VWA8: variants seen among roughly 807,000 people sequenced by gnomAD.
The protein encoded by VWA8 is von Willebrand factor A domain-containing protein 8.
A neutral mutation model predicts 241.5 loss-of-function variants in VWA8; 221 were observed. The ratio of observed to expected loss-of-function variants is 0.91; its 90% CI spans 0.82 to 1.02. The LOEUF (loss-of-function observed/expected upper bound fraction) is 1.02. Ranked by LOEUF, VWA8 falls within the 50% of genes least tolerant of loss-of-function variation. The pLI, the probability that VWA8 is intolerant of heterozygous loss-of-function variation, is 0.00. For synonymous variants in VWA8, 852 were observed against 827.1 expected (o/e 1.03, Z -0.52); for missense variants, 2,322 against 2,328.7 (o/e 1.00, Z 0.06).
chr13:41,798,668 A>G (rs1869812855), intron 17 of VWA8, among the ~76,000 whole-genome samples: 1 of 152,096 alleles, frequency 6.6e-6, no homozygotes, highest in Non-Finnish European at 1.5e-5. Context: ...CTGTAGACTC[A>G]TGTCTTTCTG....
chr13:41,582,583 A>G (rs1338262263), intron 42 of VWA8, among the ~76,000 whole-genome samples: 1 of 151,838 alleles, frequency 6.6e-6, no homozygotes, highest in Non-Finnish European at 1.5e-5. Context: ...TGGAATATAT[A>G]TTTTTCTCTA....
chr13:41,874,142 T>C (rs1413118852), intron 9 of VWA8, among the ~76,000 whole-genome samples: 2 of 151,728 alleles, frequency 1.3e-5, no homozygotes, highest in Non-Finnish European at 2.9e-5. Flanking sequence ...CAACGCTTCA[T>C]GCTAAAAACT....
At chr13:41,642,836 G>A (rs1036750648) in intron 37 of VWA8, among the ~76,000 whole-genome samples, 1 of 151,604 alleles carries the variant, frequency 6.6e-6, no homozygotes, top group African/African-American at 2.4e-5. Context: ...GGCTGAGATA[G>A]GAGAAATGCT....
chr13:41,767,999 G>A (rs2045791047), intron 20 of VWA8, among the ~76,000 whole-genome samples: 1 of 152,260 alleles, frequency 6.6e-6, no homozygotes, highest in Non-Finnish European at 1.5e-5. Flanking sequence ...GAATGTGGCA[G>A]AATGCCAAAG....
intron 12 of VWA8, among the ~76,000 whole-genome samples, chr13:41,852,127 G>T (rs1872552542): frequency 6.6e-6 from 1 of 152,136 alleles, no homozygotes; most frequent in Non-Finnish European, 1.5e-5. Flanking sequence ...CACTCTAACA[G>T]GTGTAAAGCA....
chr13:41,830,706 G>C, intron 13 of VWA8, 64 bp from the exon 14 acceptor site: 1 of 1,382,458 alleles, frequency 7.2e-7, no homozygotes. Context: ...AGTTTTCAGA[G>C]GCAGAATCAG....
intron 16 of VWA8, among the ~76,000 whole-genome samples, chr13:41,815,855 C>T (rs1225786150): frequency 6.6e-6 from 1 of 152,160 alleles, no homozygotes; most frequent in Non-Finnish European, 1.5e-5. Flanking sequence ...AAATCCACTA[C>T]TAGGACAGTT....
intron 24 of VWA8, among the ~76,000 whole-genome samples, chr13:41,726,424 T>A (rs61964892): frequency 1.3e-5 from 2 of 152,002 alleles, no homozygotes; most frequent in South Asian, 2.1e-4. Context: ...ATACTTGCTA[T>A]AGAGAAGAGA....
At chr13:41,893,324 A>G (rs1593850470) in intron 4 of VWA8, among the ~76,000 whole-genome samples, 1 of 152,192 alleles carries the variant, frequency 6.6e-6, no homozygotes, top group African/African-American at 2.4e-5. Context: ...AAAATGATAA[A>G]CTTTATGAAA....
At chr13:41,642,193 C>T (rs2044799986) in intron 37 of VWA8, among the ~76,000 whole-genome samples, 1 of 152,170 alleles carries the variant, frequency 6.6e-6, no homozygotes, top group Non-Finnish European at 1.5e-5. Context: ...GTGGGTTACA[C>T]ACATCTCACC....
In VWA8 at chr13:41,773,328, G is replaced by A. The variant is rs2137923358; in HGVS notation, c.2349+4657C>T. 1.3e-5 allele frequency among the ~76,000 whole-genome samples: 2 copies of A among 152,300 alleles called. 1 individual carries two copies. The highest frequency in any genetic ancestry group is 4.1e-4 in the South Asian group (2 of 4,826). On this transcript the variant is annotated intron_variant, in intron 20 of 44. Transcript: ENST00000379310. ...AGAAGATGGAAATAAGGGTGAAGGT[G>A]AGCAGGTGCATCAAATATGAAGAAA...
At chr13:41,880,962 C>T (rs1244832371) in intron 9 of VWA8, among the ~76,000 whole-genome samples, 1 of 152,226 alleles carries the variant, frequency 6.6e-6, no homozygotes, top group Admixed American at 6.5e-5. Flanking sequence ...AACTGCCACT[C>T]TGATGGTTGC....
intron 14 of VWA8, among the ~76,000 whole-genome samples, chr13:41,828,811 CAAT>C (rs1186799147): frequency 2.0e-5 from 3 of 151,382 alleles, no homozygotes; most frequent in Non-Finnish European, 4.4e-5. Context: ...ATTAGTAATT[CAAT>C]AATATCATAT....
chr13:41,597,245 T>C (rs2044494749), intron 40 of VWA8, among the ~76,000 whole-genome samples: 2 of 152,148 alleles, frequency 1.3e-5, no homozygotes, highest in Non-Finnish European at 1.5e-5. Context: ...AACCAACATA[T>C]ATTTTTATGC....
intron 17 of VWA8, among the ~76,000 whole-genome samples, chr13:41,809,009 A>T (rs1870348743): frequency 6.6e-6 from 1 of 152,090 alleles, no homozygotes; most frequent in African/African-American, 2.4e-5. Flanking sequence ...CCAATTTACA[A>T]CAGCTACAAA....
chr13:41,925,145 ATAC>A (rs974477259), intron 2 of VWA8, among the ~76,000 whole-genome samples: 7 of 152,358 alleles, frequency 4.6e-5, no homozygotes, highest in Non-Finnish European at 8.8e-5. Context: ...CCAGTCAAAA[ATAC>A]TACACCCAGA....
intron 2 of VWA8, among the ~76,000 whole-genome samples, chr13:41,914,852 T>G (rs1186406020): frequency 6.6e-6 from 1 of 152,246 alleles, no homozygotes; most frequent in African/African-American, 2.4e-5. Flanking sequence ...CAAGTTGGTT[T>G]CTTTAACTTC....
intron 5 of VWA8, among the ~76,000 whole-genome samples, chr13:41,890,741 T>C (rs554810555): frequency 2.0e-5 from 3 of 152,346 alleles, no homozygotes; most frequent in Admixed American, 6.5e-5. Context: ...CTGTATTGCA[T>C]TGTAAAAACT....
At chr13:41,858,467 G>A (rs1872857139) in intron 12 of VWA8, among the ~76,000 whole-genome samples, 1 of 152,042 alleles carries the variant, frequency 6.6e-6, no homozygotes, top group South Asian at 2.1e-4. Flanking sequence ...TTAGCCGGGT[G>A]TGGTGGTGTG....
Sources: allele counts gnomAD v4.1 joint callset (sites outside exome capture counted in the v4.1 genomes callset), GRCh38; gene constraint gnomAD v4.1.1; transcripts MANE v1.5; gene names NCBI Gene and HGNC (gene_info 2026-07-23, HGNC 2026-07-21).